GRID2: variants seen among roughly 807,000 people sequenced by gnomAD.
GRID2 encodes glutamate ionotropic receptor delta type subunit 2.
In GRID2, 33 loss-of-function variants were observed where a neutral mutation model predicts 114.8. The observed-to-expected ratio is 0.29, with a 90% confidence interval of 0.22 to 0.38. The LOEUF is 0.38. Ranked by LOEUF, GRID2 falls within the 10% of genes least tolerant of loss-of-function variation. GRID2 has a pLI of 1.00. For missense variants in GRID2, 1,184 were observed against 1,257.7 expected (o/e 0.94, Z 0.89); for synonymous variants, 505 against 449.9 (o/e 1.12, Z -1.55).
At chr4:93,505,490 A>G (rs1241561229) in intron 12 of GRID2, among the ~76,000 whole-genome samples, 2 of 151,472 alleles carry the variant, frequency 1.3e-5, no homozygotes, top group East Asian at 1.9e-4. Context: ...TATATAAAAA[A>G]GAAACTGCAC....
At chr4:92,709,441 TC>T (rs1363466949) in intron 2 of GRID2, among the ~76,000 whole-genome samples, 1 of 151,868 alleles carries the variant, frequency 6.6e-6, no homozygotes, top group African/African-American at 2.4e-5. Flanking sequence ...GATACGCTAT[TC>T]GCAGTTTGTT....
At chr4:93,166,067 C>T (rs76081283) in intron 4 of GRID2, 2 of 151,974 alleles carry the variant, frequency 1.3e-5, no homozygotes, top group African/African-American at 4.8e-5. Flanking sequence ...GTAAAAGGAG[C>T]AAATGAAAGT....
intron 1 of GRID2, among the ~76,000 whole-genome samples, chr4:92,334,145 C>T (rs1239701419): frequency 3.3e-5 from 5 of 152,162 alleles, no homozygotes; most frequent in African/African-American, 9.7e-5. Flanking sequence ...GCCTTTACTC[C>T]GTTTTGCAAT....
rs1259439237 is a variant in GRID2, at chr4:93,087,152, A to C, written c.529+1873A>C. Among the ~76,000 whole-genome samples the C allele has an allele frequency of 2.6e-5, 4 of 151,650 alleles. No individual in the cohort carries two copies. The East Asian group carries it at 7.8e-4, about 29-fold the overall frequency. On this transcript the variant is annotated intron_variant, in intron 3 of 15. Transcript: ENST00000282020. Reference sequence around the variant, plus strand: ...TGGGTTCAAGAGAGTCTTCTGCCTCAGCCTCCCAAGTAGCTGGGACTACAG... The same window carrying C: ...TGGGTTCAAGAGAGTCTTCTGCCTCCGCCTCCCAAGTAGCTGGGACTACAG...
At position 93,626,432 on chromosome 4, in the gene GRID2, A is replaced by G. The variant is rs1560835889; in HGVS notation, c.2357A>G (p.Gln786Arg). 1.2e-6 allele frequency: 2 copies of G among 1,601,690 alleles called. No homozygotes were observed. Among genetic ancestry groups the G allele is most frequent in the East Asian group, 2.2e-5 (1 of 44,652 alleles). ...AGTCCTTACCGAGATGTTTTTTCACAAAGGTAAGATTTGTGTATGACCAAA... is the reference window on the plus strand; with the variant it reads ...AGTCCTTACCGAGATGTTTTTTCACGAAGGTAAGATTTGTGTATGACCAAA... ...HGSPYRDVFS[Q>R]RILELQQNGD... Residue 786 changes from glutamine (Q) to arginine (R), a missense_variant, in exon 14 of 16, where the codon CAA becomes CGA. Physicochemically the swap from Gln to Arg is conservative, Grantham distance 43. Around this residue, in one of 3 missense-constraint regions of GRID2, gnomAD observed 717 missense variants for 796.9 expected, o/e 0.90. Coordinates refer to ENST00000282020, the MANE Select transcript of GRID2 (RefSeq NM_001510.4).
intron 2 of GRID2, among the ~76,000 whole-genome samples, chr4:92,835,465 T>C (rs1742389126): frequency 6.6e-6 from 1 of 152,140 alleles, no homozygotes; most frequent in African/African-American, 2.4e-5. Context: ...AAGTTCTGGT[T>C]CAGGAAATTC....
chr4:92,404,391 G>T (rs535013212), intron 1 of GRID2, among the ~76,000 whole-genome samples: 4 of 152,142 alleles, frequency 2.6e-5, no homozygotes, highest in Non-Finnish European at 5.9e-5. Flanking sequence ...AACAACAGAT[G>T]CTGGCAAGGC....
intron 2 of GRID2, among the ~76,000 whole-genome samples, chr4:92,986,955 A>C (rs1754543608): frequency 6.6e-6 from 1 of 152,108 alleles, no homozygotes; most frequent in African/African-American, 2.4e-5. Context: ...TGTCCCCCAA[A>C]AGCCTCAAAC....
intron 8 of GRID2, among the ~76,000 whole-genome samples, chr4:93,341,276 T>G (rs1759622654): frequency 6.7e-6 from 1 of 149,762 alleles, no homozygotes; most frequent in South Asian, 2.1e-4. Flanking sequence ...TTCTAAAACT[T>G]TTTTTTCCCC....
chr4:93,221,455 C>T (rs1744866947), intron 6 of GRID2, among the ~76,000 whole-genome samples: 1 of 152,074 alleles, frequency 6.6e-6, no homozygotes, highest in Admixed American at 6.6e-5. Context: ...AATGATTGGT[C>T]ATATGTGACA....
intron 4 of GRID2, among the ~76,000 whole-genome samples, chr4:93,178,892 G>C (rs1024762390): frequency 1.7e-4 from 26 of 152,010 alleles, no homozygotes; most frequent in African/African-American, 6.0e-4. Flanking sequence ...AGTTTGTGAG[G>C]GTAGCCCAAA....
intron 13 of GRID2, among the ~76,000 whole-genome samples, chr4:93,536,600 G>A (rs1301349200): frequency 1.3e-5 from 2 of 150,200 alleles, no homozygotes; most frequent in African/African-American, 2.4e-5. Flanking sequence ...TATAGTGGAG[G>A]AAGAGCCATG....
chr4:92,759,153 G>C (rs541933356), intron 2 of GRID2, among the ~76,000 whole-genome samples: 128 of 152,308 alleles, frequency 8.4e-4, no homozygotes, highest in African/African-American at 2.9e-3. Flanking sequence ...CTAGTAGAGA[G>C]AAGGTCACAT....
chr4:92,386,911 T>A (rs1729988294), intron 1 of GRID2, among the ~76,000 whole-genome samples: 1 of 151,918 alleles, frequency 6.6e-6, no homozygotes, highest in African/African-American at 2.4e-5. Context: ...TGATTCACAT[T>A]CTATATATCA....
intron 2 of GRID2, among the ~76,000 whole-genome samples, chr4:92,942,173 A>G (rs938334145): frequency 2.6e-5 from 4 of 152,252 alleles, no homozygotes; most frequent in Non-Finnish European, 5.9e-5. Flanking sequence ...GTGGGGTGTT[A>G]AAGTCTCCCA....
intron 13 of GRID2, among the ~76,000 whole-genome samples, chr4:93,569,070 C>T (rs554159458): frequency 1.3e-5 from 2 of 152,230 alleles, no homozygotes; most frequent in South Asian, 4.1e-4. Context: ...CTAGGGAGAA[C>T]TTGAGTTAAT....
In GRID2 at chr4:93,370,439, GCACA is replaced by G. The variant is rs139682754; in HGVS notation, c.1246-25158_1246-25155del. 5.1e-4 allele frequency among the ~76,000 whole-genome samples: 66 copies of G among 130,024 alleles called. 1 individual carries two copies. In the South Asian group the frequency reaches 0.014, roughly 28 times the overall value. The allele number at this position is 130,024 out of a possible 152,430, so 85.3% of individuals were successfully genotyped here. A position where few individuals can be genotyped will look rare whatever the true frequency, so the allele number is the denominator to read the frequency against. On this transcript the variant is annotated intron_variant, in intron 8 of 15. Coordinates refer to ENST00000282020, the MANE Select transcript of GRID2 (RefSeq NM_001510.4). ...AACACACACAAACACGCACACACAG[GCACA>G]CACACACACGCACACACAAACACGC... is the stretch of plus-strand genomic sequence containing the variant.
rs112109018 is a variant in GRID2 at position 92,653,327 on chromosome 4, CTGTG to C, written c.244+63059_244+63062del. Among the ~76,000 whole-genome samples the C allele has an allele frequency of 1.8e-3, 266 of 146,284 alleles. 1 individual carries two copies. The highest frequency in any genetic ancestry group is 1.5e-3 in the African/African-American group (60 of 39,972). ...ATTACACACACACACACACATGTGT[CTGTG>C]TGTGTGTGTGTGTGTGTTTGTGTGT... On this transcript the variant is annotated intron_variant, in intron 2 of 15. Coordinates refer to ENST00000282020, the MANE Select transcript of GRID2 (RefSeq NM_001510.4).
intron 8 of GRID2, among the ~76,000 whole-genome samples, chr4:93,303,847 C>G (rs577529661): frequency 6.6e-6 from 1 of 152,102 alleles, no homozygotes. Context: ...CTTTATCAAA[C>G]AACACTCAAG....
Sources: gnomAD v4.1 joint callset for allele counts (sites outside exome capture counted in the v4.1 genomes callset) on GRCh38, gnomAD v4.1.1 for gene constraint, gnomAD v4.1.1 regional missense constraint, MANE v1.5 for transcripts, NCBI Gene and HGNC (gene_info 2026-07-23, HGNC 2026-07-21) for gene names.